Variants in ROBO1 observed in about 807,000 individuals in gnomAD.
The protein encoded by ROBO1 is roundabout guidance receptor 1.
In ROBO1, 149 loss-of-function variants were observed where a neutral mutation model predicts 195.9. The observed-to-expected ratio is 0.76, with a 90% confidence interval of 0.67 to 0.87. The LOEUF (loss-of-function observed/expected upper bound fraction) is 0.87, where lower values mean the gene tolerates loss of function less well. ROBO1 is among the 40% of genes least tolerant of loss of function. The probability of loss-of-function intolerance (pLI) is 0.00; values close to 1 mark genes in which losing one functional copy is unlikely to be tolerated. For missense variants in ROBO1, 1,933 were observed against 2,068.3 expected, an observed-to-expected ratio of 0.93 and a Z score of 1.27; for synonymous variants, 816 against 733.2, an observed-to-expected ratio of 1.11 and a Z score of -1.82.
At chr3:79,634,313 ACAG>A (rs1945433542) in intron 1 of ROBO1, among the ~76,000 whole-genome samples, 1 of 152,208 alleles carries the variant, frequency 6.6e-6, no homozygotes, top group Non-Finnish European at 1.5e-5. Context: ...GCTGGGAAAC[ACAG>A]CAGAATTGAC....
chr3:79,499,408 T>C (rs955565032), intron 2 of ROBO1, among the ~76,000 whole-genome samples: 1 of 152,210 alleles, frequency 6.6e-6, no homozygotes, highest in African/African-American at 2.4e-5. Flanking sequence ...TAAAGCAAAC[T>C]AAAGCTAAAT....
At chr3:78,683,741 G>C (rs2080985872) in intron 10 of ROBO1, among the ~76,000 whole-genome samples, 1 of 151,846 alleles carries the variant, frequency 6.6e-6, no homozygotes, top group South Asian at 2.1e-4. Flanking sequence ...GAAATGAAAA[G>C]AATTTTGACT....
intron 2 of ROBO1, among the ~76,000 whole-genome samples, chr3:79,352,136 T>C (rs2035366705): frequency 6.6e-6 from 1 of 152,206 alleles, no homozygotes; most frequent in Admixed American, 6.6e-5. Flanking sequence ...GAAATTGAAG[T>C]ATCCCATCAA....
chr3:78,716,128 T>C (rs2081896180), intron 7 of ROBO1, among the ~76,000 whole-genome samples: 3 of 152,214 alleles, frequency 2.0e-5, no homozygotes, highest in African/African-American at 7.2e-5. Context: ...TTTCAAGACA[T>C]TACTTATGTG....
At chr3:79,449,729 G>T (rs1460316463) in intron 2 of ROBO1, among the ~76,000 whole-genome samples, 1 of 152,014 alleles carries the variant, frequency 6.6e-6, no homozygotes, top group Non-Finnish European at 1.5e-5. Context: ...TATCTAAATA[G>T]TTAATACATT....
At chr3:79,539,817 A>C (rs1941999662) in intron 2 of ROBO1, among the ~76,000 whole-genome samples, 1 of 152,068 alleles carries the variant, frequency 6.6e-6, no homozygotes, top group African/African-American at 2.4e-5. Context: ...TCATGCAGTG[A>C]AATTTTATTT....
intron 2 of ROBO1, among the ~76,000 whole-genome samples, chr3:79,288,722 A>G (rs946077388): frequency 2.0e-5 from 3 of 152,010 alleles, no homozygotes; most frequent in Non-Finnish European, 4.4e-5. Flanking sequence ...TTCTGCGCCT[A>G]TATATTGCTA....
chr3:79,749,462 G>A (rs1029184682), intron 1 of ROBO1, among the ~76,000 whole-genome samples: 1 of 152,182 alleles, frequency 6.6e-6, no homozygotes, highest in Admixed American at 6.5e-5. Context: ...GGATCCAAAT[G>A]TTAATTCCGA....
intron 2 of ROBO1, among the ~76,000 whole-genome samples, chr3:79,198,974 A>G (rs1304940052): frequency 6.6e-6 from 1 of 152,020 alleles, no homozygotes; most frequent in Non-Finnish European, 1.5e-5. Context: ...TCATCTGCAA[A>G]CAGAGACAAT....
At chr3:79,594,249 T>C (rs1412803740) in intron 1 of ROBO1, among the ~76,000 whole-genome samples, 1 of 152,042 alleles carries the variant, frequency 6.6e-6, no homozygotes, top group Admixed American at 6.6e-5. Context: ...TAGTGAAGAA[T>C]GTGATATAAC....
chr3:78,629,688 A>AACCAT (rs1386747416), intron 25 of ROBO1, among the ~76,000 whole-genome samples: 4 of 151,834 alleles, frequency 2.6e-5, no homozygotes, highest in African/African-American at 9.7e-5. Flanking sequence ...AACCAAACCA[A>AACCAT]ACATACAGTT....
At chr3:79,342,716 T>C (rs2034957006) in intron 2 of ROBO1, among the ~76,000 whole-genome samples, 1 of 151,920 alleles carries the variant, frequency 6.6e-6, no homozygotes, top group Non-Finnish European at 1.5e-5. Context: ...TCGGGAAAAA[T>C]AATGGAATGA....
At chr3:78,951,117 AACTTTAAGGGAGTTAC>A (rs1335467647) in intron 3 of ROBO1, among the ~76,000 whole-genome samples, 14 of 151,788 alleles carry the variant, frequency 9.2e-5, no homozygotes, top group African/African-American at 9.7e-5. Flanking sequence ...CTTAAAGGAA[AACTTTAAGGGAGTTAC>A]ACCAAGGCCA....
At chr3:79,520,839 C>CA (rs796691319) in intron 2 of ROBO1, among the ~76,000 whole-genome samples, 4,004 of 125,614 alleles carry the variant, frequency 0.032, 110 homozygotes, top group African/African-American at 0.08. Context: ...AAACCAGAGC[C>CA]AAAAAAAAAA....
chr3:79,578,668 GT>G (rs1453334216), intron 2 of ROBO1, among the ~76,000 whole-genome samples: 1 of 152,142 alleles, frequency 6.6e-6, no homozygotes, highest in Admixed American at 6.6e-5. Context: ...CAGAAAAAAT[GT>G]ATACAGCTGC....
intron 24 of ROBO1, among the ~76,000 whole-genome samples, chr3:78,633,208 C>T (rs942521842): frequency 1.4e-4 from 21 of 152,174 alleles, no homozygotes; most frequent in Admixed American, 7.2e-4. Context: ...CAAGATCAGT[C>T]GGTTTTGTTC....
intron 2 of ROBO1, among the ~76,000 whole-genome samples, chr3:79,190,197 AT>A (rs1026058694): frequency 4.6e-5 from 7 of 151,640 alleles, no homozygotes; most frequent in Admixed American, 4.0e-4. Context: ...ATGCATTCTG[AT>A]TCCACATAGA....
intron 2 of ROBO1, among the ~76,000 whole-genome samples, chr3:79,152,807 A>T (rs2080795980): frequency 6.6e-6 from 1 of 151,772 alleles, no homozygotes; most frequent in Admixed American, 6.6e-5. Flanking sequence ...CAGGAAATAA[A>T]GGCTTTTCTG....
At chr3:79,558,205 C>A (rs903078830) in intron 2 of ROBO1, among the ~76,000 whole-genome samples, 1 of 152,096 alleles carries the variant, frequency 6.6e-6, no homozygotes, top group Non-Finnish European at 1.5e-5. Flanking sequence ...CTTCCCCTTC[C>A]AACTTCTCTA....
Sources: gnomAD v4.1 joint callset for allele counts (sites outside exome capture counted in the v4.1 genomes callset) on GRCh38, gnomAD v4.1.1 for gene constraint, MANE v1.5 for transcripts, NCBI Gene and HGNC (gene_info 2026-07-23, HGNC 2026-07-21) for gene names.